Variants in TNRC18 observed in about 807,000 individuals in gnomAD.
TNRC18 encodes the protein trinucleotide repeat-containing gene 18 protein.
Under a neutral mutation model 226.7 loss-of-function variants are expected in TNRC18, and 69 were observed. That is an observed-to-expected ratio of 0.30 (90% CI 0.25 to 0.37). The LOEUF (loss-of-function observed/expected upper bound fraction) is 0.37. Ranked by LOEUF, TNRC18 falls within the 10% of genes least tolerant of loss-of-function variation. The pLI is 1.00. For missense variants in TNRC18, 4,754 were observed against 4,256.6 expected (o/e 1.12, Z -3.25); for synonymous variants, 2,449 against 1,927.6 (o/e 1.27, Z -7.09).
chr7:5,380,020 C>A (rs959271121), intron 5 of TNRC18, among the ~76,000 whole-genome samples: 6 of 152,208 alleles, frequency 3.9e-5, no homozygotes, highest in African/African-American at 1.4e-4. Flanking sequence ...AGACAAGGTC[C>A]CCACCCAGCT....
chr7:5,321,671 ATTTAT>A (rs1788376047), intron 21 of TNRC18, among the ~76,000 whole-genome samples: 1 of 150,746 alleles, frequency 6.6e-6, no homozygotes, highest in African/African-American at 2.4e-5. Context: ...TTATTTATTT[ATTTAT>A]TTATTTATTT....
At chr7:5,308,376 G>A in intron 29 of TNRC18, 64 bp from the exon 30 acceptor site, 1 of 1,477,014 alleles carries the variant, frequency 6.8e-7, no homozygotes, top group Non-Finnish European at 9.2e-7. Context: ...GAGCCCCAGG[G>A]AGCCACAGGG....
At chr7:5,320,636 C>T (rs1788254305) in intron 22 of TNRC18, 29 bp from the exon 23 acceptor site, 1 of 1,602,764 alleles carries the variant, frequency 6.2e-7, no homozygotes, top group Admixed American at 1.7e-5. Flanking sequence ...CGTGAGGTGG[C>T]AGAGGCCGAG....
intron 2 of TNRC18, among the ~76,000 whole-genome samples, chr7:5,408,169 C>G (rs550029755): frequency 6.6e-6 from 1 of 151,906 alleles, no homozygotes; most frequent in Non-Finnish European, 1.5e-5. Context: ...CGTGGTGGCG[C>G]GCGCCTCTAG....
chr7:5,345,517 G>GCTCCCCCCC, intron 18 of TNRC18, 45 bp downstream of exon 18: 7 of 377,744 alleles, frequency 1.9e-5, no homozygotes, highest in South Asian at 1.8e-4. Context: ...AATGGCGTCC[G>GCTCCCCCCC]CCCCTCCCAC....
intron 2 of TNRC18, among the ~76,000 whole-genome samples, chr7:5,401,911 C>G (rs945802922): frequency 2.6e-5 from 4 of 152,020 alleles, no homozygotes; most frequent in African/African-American, 4.8e-5. Context: ...CGTGGTGGCT[C>G]ACACCTGTAA....
At position 5,332,817 on chromosome 7, in the gene TNRC18, C is replaced by G. The variant is rs778246311; in HGVS notation, c.5952G>C (p.Ala1984=). The part of the protein sequence containing the change: ...LRGPKEPGFE[A]GPEASDDDLW... ...GGTCGTCGTCGCTGGCCTCGGGCCC[C>G]GCCTCGAAGCCAGGCTCCTTGGGGC... Residue 1984 remains alanine, a synonymous_variant, in exon 19 of 30, where the codon GCG becomes GCC. Coordinates refer to ENST00000430969, the MANE Select transcript of TNRC18 (RefSeq NM_001080495.3). 1 of 1,508,620 alleles carries G rather than the reference C, an allele frequency of 6.6e-7. No homozygotes were observed. Among genetic ancestry groups the G allele is most frequent in the African/African-American group, 1.4e-5 (1 of 69,298 alleles). The allele number at this position is 1,508,620 out of a possible 1,614,324, so 93.5% of individuals were successfully genotyped here. A position where few individuals can be genotyped will look rare whatever the true frequency, so the allele number is the denominator to read the frequency against.
At chr7:5,363,049 T>C (rs993687927) in intron 11 of TNRC18, among the ~76,000 whole-genome samples, 1 of 151,994 alleles carries the variant, frequency 6.6e-6, no homozygotes, top group African/African-American at 2.4e-5. Flanking sequence ...ATCCCAGCAC[T>C]TTGGGTGGCT....
chr7:5,325,880 T>C (rs1788869512), intron 19 of TNRC18, among the ~76,000 whole-genome samples: 1 of 151,606 alleles, frequency 6.6e-6, no homozygotes, highest in Non-Finnish European at 1.5e-5. Flanking sequence ...GGACTACAGG[T>C]GCACACCACC....
In TNRC18 at chr7:5,345,935, G is replaced by A. The variant is rs187314082; in HGVS notation, c.5471-125C>T. ...GTCCCTCAGTCCTGAGCAGGGGGCC[G>A]CTGGGGGTGGATGCAGACCCAGCCC... On this transcript the variant is annotated intron_variant, in intron 17 of 29. Coordinates refer to ENST00000430969, the MANE Select transcript of TNRC18 (RefSeq NM_001080495.3). 86 of 1,348,204 alleles carry A rather than the reference G, an allele frequency of 6.4e-5. No homozygotes were observed. In the African/African-American group the frequency reaches 9.4e-4, roughly 15 times the overall value. 83.5% of individuals were successfully genotyped at this position (1,348,204 alleles called of 1,614,324 possible).
chr7:5,361,005 A>G (rs1792982905), intron 14 of TNRC18, among the ~76,000 whole-genome samples: 1 of 152,138 alleles, frequency 6.6e-6, no homozygotes, highest in Non-Finnish European at 1.5e-5. Flanking sequence ...ATCGTGCTAC[A>G]GACACCGAGG....
chr7:5,398,823 T>G (rs1215584990), intron 2 of TNRC18, among the ~76,000 whole-genome samples: 65 of 123,374 alleles, frequency 5.3e-4, no homozygotes, highest in Middle Eastern at 6.7e-3. Context: ...GGGGTCTTAC[T>G]ATGTTGCCCA....
At position 5,389,232 on chromosome 7, in the gene TNRC18, C is replaced by T. The variant is rs1780086347; in HGVS notation, c.592G>A (p.Gly198Ser). ...GCTGGACCGTCCCGCGACGACGAGCCTTTGGCCGGGGCGCCCGAGGAGTGG... is the reference window on the plus strand; with the variant it reads ...GCTGGACCGTCCCGCGACGACGAGCTTTTGGCCGGGGCGCCCGAGGAGTGG... ...GGHSSGAPAK[G>S]SSSRDGPAKE... is the part of the protein sequence containing the mutation. Residue 198 changes from glycine to serine, a missense_variant, in exon 5 of 30, where the codon GGC (glycine) becomes AGC (serine). Coordinates refer to ENST00000430969, the MANE Select transcript of TNRC18 (RefSeq NM_001080495.3). 1 of 1,335,856 alleles carries T rather than the reference C, an allele frequency of 7.5e-7. No individual in the cohort carries two copies. The highest frequency in any genetic ancestry group is 1.8e-5 in the South Asian group (1 of 54,088). 82.8% of individuals were successfully genotyped at this position (1,335,856 alleles called of 1,614,324 possible).
chr7:5,347,529 G>A (rs1362881830), intron 17 of TNRC18, among the ~76,000 whole-genome samples: 2 of 151,980 alleles, frequency 1.3e-5, no homozygotes, highest in Non-Finnish European at 2.9e-5. Flanking sequence ...GCCAGGCGTG[G>A]TGGCTTACAC....
intron 5 of TNRC18, 143 bp from the exon 6 acceptor site, chr7:5,378,167 A>C: frequency 1.6e-6 from 1 of 617,370 alleles, no homozygotes; most frequent in Non-Finnish European, 2.8e-6. Flanking sequence ...CTTCACCCCA[A>C]CATCTTTCCT....
At chr7:5,367,427 G>T (rs1223916595) in intron 11 of TNRC18, among the ~76,000 whole-genome samples, 1 of 150,996 alleles carries the variant, frequency 6.6e-6, no homozygotes, top group East Asian at 2.0e-4. Context: ...AATGTTTTTT[G>T]TTTTTTGTTT....
chr7:5,363,515 A>G (rs1233901439), intron 11 of TNRC18, among the ~76,000 whole-genome samples: 1 of 151,874 alleles, frequency 6.6e-6, no homozygotes, highest in African/African-American at 2.4e-5. Context: ...GAAGCAGGAG[A>G]ATGGCGAGAA....
At chr7:5,344,571 G>A (rs757882055) in intron 18 of TNRC18, among the ~76,000 whole-genome samples, 1 of 151,460 alleles carries the variant, frequency 6.6e-6, no homozygotes, top group Non-Finnish European at 1.5e-5. Context: ...AACCTGCAGA[G>A]GGCATGAAGC....
chr7:5,345,517 G>GGGGGCCCCCCCCCCCCCCCCCCC, intron 18 of TNRC18, 45 bp downstream of exon 18: 1 of 377,744 alleles, frequency 2.6e-6, no homozygotes, highest in Non-Finnish European at 4.8e-6. Context: ...AATGGCGTCC[G>GGGGGCCCCCCCCCCCCCCCCCCC]CCCCTCCCAC....
Sources: allele counts gnomAD v4.1 joint callset (sites outside exome capture counted in the v4.1 genomes callset), GRCh38; gene constraint gnomAD v4.1.1; transcripts MANE v1.5; gene names NCBI Gene and HGNC (gene_info 2026-07-23, HGNC 2026-07-21).